Variants in CARS1 observed in about 807,000 individuals in gnomAD.
The protein encoded by CARS1 is cysteine--tRNA ligase, cytoplasmic.
A neutral mutation model predicts 106.2 loss-of-function variants in CARS1; 48 were observed. That is an observed-to-expected ratio of 0.45 (90% CI 0.36 to 0.57). The LOEUF is 0.57. CARS1 is among the 20% of genes least tolerant of loss of function. The pLI is 0.00. For missense variants in CARS1, 968 were observed against 1,057.2 expected, an observed-to-expected ratio of 0.92 and a Z score of 1.17; for synonymous variants, 409 against 403.4, an observed-to-expected ratio of 1.01 and a Z score of -0.17.
intron 9 of CARS1, 129 bp from the exon 10 acceptor site, chr11:3,026,926 G>T: frequency 9.7e-7 from 1 of 1,034,804 alleles, no homozygotes; most frequent in South Asian, 1.6e-5. Context: ...TCTCTGTGGT[G>T]GCCACTGAAA....
rs138007457 is a variant in CARS1, at chr11:3,043,155, C to T, written c.275-899G>A. 1.9e-3 allele frequency among the ~76,000 whole-genome samples: 293 copies of T among 152,272 alleles called. No homozygotes were observed. Among genetic ancestry groups the T allele is most frequent in the African/African-American group, 6.4e-3 (267 of 41,562 alleles). The stretch of plus-strand genomic sequence containing the variant: ...TGTTCCCCTCCACTCGCCTGTGGGC[C>T]GCCTGGGCTGCTCTGAGCACACTGC... On this transcript the variant is annotated intron_variant, in intron 2 of 22. Transcript: ENST00000380525. This position sits in a 1 kb window ranked among gnomAD's most constrained non-coding sequence, Gnocchi z 4.0.
At chr11:3,031,901 G>C (rs1852815394) in intron 7 of CARS1, among the ~76,000 whole-genome samples, 1 of 152,086 alleles carries the variant, frequency 6.6e-6, no homozygotes, top group Non-Finnish European at 1.5e-5. Context: ...GTGAATATTG[G>C]AGAAAAATCC....
rs561932275 is a variant in CARS1, at chr11:3,043,371, G to A, written c.275-1115C>T. Among the ~76,000 whole-genome samples the A allele has an allele frequency of 2.4e-4, 37 of 152,056 alleles. No homozygotes were observed. Among genetic ancestry groups the A allele is most frequent in the Non-Finnish European group, 3.7e-4 (25 of 67,942 alleles). ...GGTGACTTTCCCGTTGCCCTCAGCCGGCTCCTGCCTGCCCTGCCCCCTCAG... is the reference window on the plus strand; with the variant it reads ...GGTGACTTTCCCGTTGCCCTCAGCCAGCTCCTGCCTGCCCTGCCCCCTCAG... On this transcript the variant is annotated intron_variant, in intron 2 of 22. Coordinates refer to ENST00000380525, the MANE Select transcript of CARS1 (RefSeq NM_001014437.3). The surrounding 1 kb of genome is among the most constrained non-coding windows in gnomAD (Gnocchi z 4.0).
Position 3,028,601 on chromosome 11 carries a change from A to G in CARS1, c.1031+395T>C. On this transcript the variant is annotated intron_variant, in intron 9 of 22. Transcript: ENST00000380525. The surrounding 1 kb of genome is among the most constrained non-coding windows in gnomAD (Gnocchi z 4.4). ...GTCACTAAAATCATAGCCAAGCGAT[A>G]GATGCTGATGAAATGCATCCTCCTT... The G allele has an allele frequency of 3.6e-6, 1 of 280,356 alleles. No homozygotes were observed. The highest frequency in any genetic ancestry group is 7.3e-5 in the East Asian group (1 of 13,730). The allele number at this position is 280,356 out of a possible 1,614,324, so 17.4% of individuals were successfully genotyped here. A position where few individuals can be genotyped will look rare whatever the true frequency, so the allele number is the denominator to read the frequency against.
Position 3,040,998 on chromosome 11 carries a change from G to C in CARS1, c.367-14C>G. 6.2e-7 allele frequency: 1 copy of C among 1,613,954 alleles called. No homozygotes were observed. Among genetic ancestry groups the C allele is most frequent in the Non-Finnish European group, 8.5e-7 (1 of 1,179,820 alleles). ...TATGAACACTTCCTTTGTTAGGAAT[G>C]AAGGAATGACGATCACAAGAAATGC... is the stretch of plus-strand genomic sequence containing the variant. On this transcript the variant is annotated splice_polypyrimidine_tract_variant and intron_variant, in intron 3 of 22. Coordinates refer to ENST00000380525, the MANE Select transcript of CARS1 (RefSeq NM_001014437.3). This position sits in a 1 kb window ranked among gnomAD's most constrained non-coding sequence, Gnocchi z 5.8.
intron 17 of CARS1, among the ~76,000 whole-genome samples, chr11:3,013,777 CG>C (rs1241738628): frequency 6.6e-6 from 1 of 152,088 alleles, no homozygotes; most frequent in African/African-American, 2.4e-5. Flanking sequence ...CACTTGAACT[CG>C]GGAGGCAGAG....
rs1851637452 is a variant in CARS1, at chr11:3,022,289, C to G, written c.1154-1957G>C. 6.6e-6 allele frequency among the ~76,000 whole-genome samples: 1 copy of G among 152,216 alleles called. No homozygotes were observed. Among genetic ancestry groups the G allele is most frequent in the East Asian group, 1.9e-4 (1 of 5,198 alleles). On this transcript the variant is annotated intron_variant, in intron 10 of 22. Transcript: ENST00000380525. The surrounding 1 kb of genome is among the most constrained non-coding windows in gnomAD (Gnocchi z 4.9). ...ATTCCAGCAGGACAGCTGTTGCCAA[C>G]TGGTCTGAAGACCTGCACCAAGGAA...
rs1190700907 is a variant in CARS1 at position 3,040,997 on chromosome 11, T to G, written c.367-13A>C. 6.2e-7 allele frequency: 1 copy of G among 1,613,990 alleles called. No homozygotes were observed. Among genetic ancestry groups the G allele is most frequent in the Non-Finnish European group, 8.5e-7 (1 of 1,179,878 alleles). ...GTATGAACACTTCCTTTGTTAGGAA[T>G]GAAGGAATGACGATCACAAGAAATG... is the stretch of plus-strand genomic sequence containing the variant. On this transcript the variant is annotated splice_polypyrimidine_tract_variant and intron_variant, in intron 3 of 22. Coordinates refer to ENST00000380525, the MANE Select transcript of CARS1 (RefSeq NM_001014437.3). The surrounding 1 kb of genome is among the most constrained non-coding windows in gnomAD (Gnocchi z 5.8).
At position 3,004,104 on chromosome 11, in the gene CARS1, G is replaced by A. The variant is rs935037287; in HGVS notation, c.2217+1262C>T. ...CACCTCACAGCACAGCACGGCAGGC[G>A]AGACCCAAGGCTAGGTGAGTGACTG... On this transcript the variant is annotated intron_variant, in intron 20 of 22. Coordinates refer to ENST00000380525, the MANE Select transcript of CARS1 (RefSeq NM_001014437.3). This position sits in a 1 kb window ranked among gnomAD's most constrained non-coding sequence, Gnocchi z 5.2. 4.6e-5 allele frequency among the ~76,000 whole-genome samples: 7 copies of A among 152,188 alleles called. No individual in the cohort carries two copies. Among genetic ancestry groups the A allele is most frequent in the Non-Finnish European group, 7.4e-5 (5 of 68,020 alleles).
In CARS1 at chr11:3,028,760, C is replaced by T; in HGVS notation, c.1031+236G>A. ...ATGACTGATGGTCTTGGCTGCCGAG[C>T]TTCCCAGCAGATTCTGGGTTAGGTT... On this transcript the variant is annotated intron_variant, in intron 9 of 22. Coordinates refer to ENST00000380525, the MANE Select transcript of CARS1 (RefSeq NM_001014437.3). The surrounding 1 kb of genome is among the most constrained non-coding windows in gnomAD (Gnocchi z 4.4). 1 of 527,372 alleles carries T rather than the reference C, an allele frequency of 1.9e-6. No individual in the cohort carries two copies. Among genetic ancestry groups the T allele is most frequent in the Non-Finnish European group, 3.3e-6 (1 of 299,070 alleles). The allele number at this position is 527,372 out of a possible 1,614,324, so 32.7% of individuals were successfully genotyped here.
rs1301991416 is a variant in CARS1, at chr11:3,043,317, G to A, written c.275-1061C>T. 6.6e-6 allele frequency among the ~76,000 whole-genome samples: 1 copy of A among 152,064 alleles called. No homozygotes were observed. The highest frequency in any genetic ancestry group is 6.6e-5 in the Admixed American group (1 of 15,264). Reference sequence around the variant, plus strand: ...TATTCACCCTCTGAAACGTCAATCTGGCAAAGCTAGGTGTGGAGGACGGTA... The same window carrying A: ...TATTCACCCTCTGAAACGTCAATCTAGCAAAGCTAGGTGTGGAGGACGGTA... On this transcript the variant is annotated intron_variant, in intron 2 of 22. Transcript: ENST00000380525. This position sits in a 1 kb window ranked among gnomAD's most constrained non-coding sequence, Gnocchi z 4.0.
Position 3,057,357 on chromosome 11 carries a change from G to A in CARS1, c.11C>T (p.Ser4Phe), listed in dbSNP as rs1014712506. Residue 4 changes from serine to phenylalanine, a missense_variant, in exon 1 of 23, where the codon TCC (serine) becomes TTC (phenylalanine). Coordinates refer to ENST00000380525, the MANE Select transcript of CARS1 (RefSeq NM_001014437.3). The stretch of plus-strand genomic sequence containing the variant: ...GCGCCGCTCACCCTGCTGCCCGGAG[G>A]AATCTGCCATGGCTGGGAATCCCGG... MAD[S>F]SGQQAPDYRS... 3 of 1,610,698 alleles carry A rather than the reference G, an allele frequency of 1.9e-6. No individual in the cohort carries two copies. The highest frequency in any genetic ancestry group is 2.5e-6 in the Non-Finnish European group (3 of 1,179,016).
intron 19 of CARS1, 49 bp from the exon 20 acceptor site, chr11:3,005,482 C>T (rs7931504): frequency 0.39 from 575,026 of 1,485,982 alleles, 114,117 homozygotes; most frequent in South Asian, 0.41. Flanking sequence ...GTGGGCCGTC[C>T]CCACTGCGGG....
chr11:3,005,206 A>G (rs1565011925), intron 20 of CARS1, among the ~76,000 whole-genome samples, 160 bp downstream of exon 20: 1 of 151,824 alleles, frequency 6.6e-6, no homozygotes, highest in East Asian at 1.9e-4. Context: ...GAGGTCCTTC[A>G]TTAGAAGATA....
At chr11:3,051,939 C>T (rs986137083) in intron 1 of CARS1, among the ~76,000 whole-genome samples, 4 of 152,218 alleles carry the variant, frequency 2.6e-5, no homozygotes, top group Non-Finnish European at 5.9e-5. Context: ...CTGACAGTCA[C>T]GTGCCTCTCA....
chr11:3,007,230 G>A, intron 18 of CARS1: 4 of 527,994 alleles, frequency 7.6e-6, no homozygotes, highest in East Asian at 3.2e-5. Context: ...GCAGAGCCAG[G>A]AGGAAGCATA....
At chr11:3,018,881 G>T in intron 12 of CARS1, 132 bp from the exon 13 acceptor site, 1 of 1,283,264 alleles carries the variant, frequency 7.8e-7, no homozygotes, top group South Asian at 1.5e-5. Context: ...TGCAGGCAGG[G>T]CTTGGAAGGA....
At position 3,040,577 on chromosome 11, in the gene CARS1, G is replaced by A. The variant is rs1350702513; in HGVS notation, c.455+319C>T. ...GGAACTCAGCATCTGGGGACCCCACGAGAGCTTGAGGGATGAGAGAAAACT... is the reference window on the plus strand; with the variant it reads ...GGAACTCAGCATCTGGGGACCCCACAAGAGCTTGAGGGATGAGAGAAAACT... On this transcript the variant is annotated intron_variant, in intron 4 of 22. Coordinates refer to ENST00000380525, the MANE Select transcript of CARS1 (RefSeq NM_001014437.3). This position sits in a 1 kb window ranked among gnomAD's most constrained non-coding sequence, Gnocchi z 5.8. 10 of 525,872 alleles carry A rather than the reference G, an allele frequency of 1.9e-5. No individual in the cohort carries two copies. The highest frequency in any genetic ancestry group is 2.6e-5 in the Non-Finnish European group (7 of 273,162). 32.6% of individuals were successfully genotyped at this position (525,872 alleles called of 1,614,324 possible).
At chr11:3,025,660 G>A (rs532100281) in intron 10 of CARS1, among the ~76,000 whole-genome samples, 3 of 152,224 alleles carry the variant, frequency 2.0e-5, no homozygotes, top group Admixed American at 1.3e-4. Flanking sequence ...GGCACATTGC[G>A]GGAATCCCCA....
Sources: allele counts gnomAD v4.1 joint callset (sites outside exome capture counted in the v4.1 genomes callset), GRCh38; gene constraint gnomAD v4.1.1; non-coding constraint Gnocchi (gnomAD v3.1); transcripts MANE v1.5; gene names NCBI Gene and HGNC (gene_info 2026-07-23, HGNC 2026-07-21).